The following TSPAN18 variants were observed in gnomAD, a reference collection of about 807,000 sequenced individuals.
TSPAN18 encodes tetraspanin-18.
TSPAN18 carries 14 observed loss-of-function variants against 27.3 expected under a neutral mutation model. The observed-to-expected ratio is 0.51, with a 90% CI of 0.34 to 0.80. The LOEUF is 0.80. TSPAN18 is among the 30% of genes least tolerant of loss of function. TSPAN18 has a pLI of 0.01. For missense variants in TSPAN18, 268 were observed against 323.9 expected (o/e 0.83, Z 1.32); for synonymous variants, 143 against 136.5 (o/e 1.05, Z -0.33).
At chr11:44,920,369 T>C (rs10769095) in intron 8 of TSPAN18, among the ~76,000 whole-genome samples, 40,864 of 152,018 alleles carry the variant, frequency 0.27, 7,673 homozygotes, top group African/African-American at 0.53. Context: ...TTCTTAGCCA[T>C]GCACTGTATT....
At position 44,746,276 on chromosome 11, in the gene TSPAN18, C is replaced by T. The variant is rs61880608; in HGVS notation, c.-239-18150C>T. Among the ~76,000 whole-genome samples, 633 of 152,242 alleles carry T rather than the reference C, an allele frequency of 4.2e-3. 2 individuals are homozygous for T. The highest frequency in any genetic ancestry group is 4.6e-3 in the Non-Finnish European group (311 of 68,024). ...TGCTTCTCTCTGGGACTCCCAGCCT[C>T]TGTCAGGGAGTCTTTGCAGATGAGT... On this transcript the variant is annotated intron_variant, in intron 1 of 9. Coordinates refer to ENST00000520358, the MANE Select transcript of TSPAN18 (RefSeq NM_130783.5).
At chr11:44,754,173 T>G (rs1281102476) in intron 1 of TSPAN18, among the ~76,000 whole-genome samples, 1 of 152,184 alleles carries the variant, frequency 6.6e-6, no homozygotes, top group Non-Finnish European at 1.5e-5. Flanking sequence ...TGCATTAGAA[T>G]ATATTTACAT....
intron 4 of TSPAN18, among the ~76,000 whole-genome samples, chr11:44,908,800 A>AAGGAAGGAAGGAAGGAAGGAAGGAAGG (rs1564992949): frequency 1.4e-5 from 2 of 140,598 alleles, no homozygotes; most frequent in African/African-American, 5.7e-5. Context: ...AGAAAGAAAG[A>AAGGAAGGAAGGAAGGAAGGAAGGAAGG]AAGAAAGAAA....
intron 5 of TSPAN18, among the ~76,000 whole-genome samples, chr11:44,910,867 C>T (rs577140893): frequency 5.4e-4 from 82 of 152,310 alleles, no homozygotes; most frequent in African/African-American, 1.9e-3. Context: ...ACTCCCTGCT[C>T]CATCCCCTAA....
chr11:44,784,772 A>G (rs1856016474), intron 2 of TSPAN18, among the ~76,000 whole-genome samples: 1 of 152,214 alleles, frequency 6.6e-6, no homozygotes, highest in Admixed American at 6.5e-5. Context: ...AGACAGCACA[A>G]GTACATTCTC....
At chr11:44,878,326 G>A (rs915554310) in intron 3 of TSPAN18, among the ~76,000 whole-genome samples, 59 of 152,296 alleles carry the variant, frequency 3.9e-4, no homozygotes, top group African/African-American at 1.4e-3. Flanking sequence ...AACAAGCCAC[G>A]CTGGGCTCCC....
chr11:44,748,476 CT>C (rs956588010), intron 1 of TSPAN18, among the ~76,000 whole-genome samples: 2 of 151,942 alleles, frequency 1.3e-5, no homozygotes, highest in Non-Finnish European at 1.5e-5. Context: ...CTTACTACAT[CT>C]TAAATTCCAT....
At chr11:44,749,632 C>CTTTT (rs71894571) in intron 1 of TSPAN18, among the ~76,000 whole-genome samples, 2,596 of 109,600 alleles carry the variant, frequency 0.024, 80 homozygotes, top group African/African-American at 0.05. Context: ...GTGGAACTTT[C>CTTTT]TTTTTTTTTT....
intron 2 of TSPAN18, among the ~76,000 whole-genome samples, chr11:44,853,194 G>A (rs750318097): frequency 1.3e-5 from 2 of 152,202 alleles, no homozygotes; most frequent in Non-Finnish European, 2.9e-5. Context: ...CCTGCCTGGT[G>A]GAGGATGGAA....
intron 2 of TSPAN18, among the ~76,000 whole-genome samples, chr11:44,851,612 A>ACCCCCCCCCCCCCCCCCCC (rs1278720815): frequency 9.0e-6 from 1 of 110,864 alleles, no homozygotes; most frequent in Non-Finnish European, 2.0e-5. Flanking sequence ...TACTCTTGTC[A>ACCCCCCCCCCCCCCCCCCC]CCTCCCCCCC....
intron 1 of TSPAN18, among the ~76,000 whole-genome samples, chr11:44,731,634 G>A (rs920192077): frequency 1.3e-4 from 2 of 14,926 alleles, no homozygotes; most frequent in African/African-American, 3.0e-4. Flanking sequence ...GTGTGTGTGT[G>A]AGAGAGAGAG....
intron 1 of TSPAN18, among the ~76,000 whole-genome samples, chr11:44,751,095 A>G (rs147511863): frequency 2.0e-5 from 3 of 152,338 alleles, no homozygotes; most frequent in African/African-American, 7.2e-5. Context: ...CAGAGCAGGT[A>G]GAGATCACCC....
At chr11:44,822,266 G>A (rs1341743517) in intron 2 of TSPAN18, among the ~76,000 whole-genome samples, 1 of 152,090 alleles carries the variant, frequency 6.6e-6, no homozygotes, top group African/African-American at 2.4e-5. Context: ...GGTAATAACT[G>A]AGAACCAAAA....
chr11:44,844,533 G>C (rs1022613192), intron 2 of TSPAN18, among the ~76,000 whole-genome samples: 5 of 152,126 alleles, frequency 3.3e-5, no homozygotes, highest in African/African-American at 1.2e-4. Context: ...CTAACTGGTG[G>C]GTCTGTAGTG....
chr11:44,921,272 C>T (rs1860123488), intron 8 of TSPAN18, among the ~76,000 whole-genome samples: 1 of 152,210 alleles, frequency 6.6e-6, no homozygotes, highest in South Asian at 2.1e-4. Flanking sequence ...GAGTTTCAGG[C>T]TTCCATGGCA....
intron 2 of TSPAN18, among the ~76,000 whole-genome samples, chr11:44,807,426 G>T (rs1856622285): frequency 6.7e-6 from 1 of 148,510 alleles, no homozygotes; most frequent in Non-Finnish European, 1.5e-5. Flanking sequence ...TACTTGGGAG[G>T]CTGAGGCAGG....
At chr11:44,908,790 A>AGAAGGAAG (rs1859578063) in intron 4 of TSPAN18, among the ~76,000 whole-genome samples, 6 of 94,552 alleles carry the variant, frequency 6.3e-5, no homozygotes, top group Admixed American at 2.1e-4. Flanking sequence ...AAAGAAAGAA[A>AGAAGGAAG]GAAAGAAAGA....
At position 44,727,071 on chromosome 11, in the gene TSPAN18, A is replaced by AGCCCCGGCCCCG. The variant is rs765673237; in HGVS notation, c.-430_-419dup. The AGCCCCGGCCCCG allele has an allele frequency of 5.4e-5, 4 of 74,260 alleles. No individual in the cohort carries two copies. The highest frequency in any genetic ancestry group is 1.0e-4 in the Non-Finnish European group (2 of 20,030). The allele number at this position is 74,260 out of a possible 1,614,324, so 4.6% of individuals were successfully genotyped here. A position where few individuals can be genotyped will look rare whatever the true frequency, so the allele number is the denominator to read the frequency against. On this transcript the variant is annotated 5_prime_UTR_variant, in exon 1 of 10. Transcript: ENST00000520358. ...GAGCCCCAGCCCCGGCCCCGGCCCC[A>AGCCCCGGCCCCG]GCCCCGGCCCCGGCCCCGGCCCCGG...
Position 44,827,244 on chromosome 11 carries a change from T to C in TSPAN18, c.-152-33084T>C, listed in dbSNP as rs542919824. 2.6e-5 allele frequency among the ~76,000 whole-genome samples: 4 copies of C among 152,336 alleles called. No individual in the cohort carries two copies. The East Asian group carries it at 7.7e-4, about 29-fold the overall frequency. ...GGAGCTCTAGGCCCCGGAGTTGCTT[T>C]TCCAGGTCCCTGATGTTACTTACCT... is the stretch of plus-strand genomic sequence containing the variant. On this transcript the variant is annotated intron_variant, in intron 2 of 9. Coordinates refer to ENST00000520358, the MANE Select transcript of TSPAN18 (RefSeq NM_130783.5).
Sources: gnomAD v4.1 joint callset for allele counts (sites outside exome capture counted in the v4.1 genomes callset) on GRCh38, gnomAD v4.1.1 for gene constraint, MANE v1.5 for transcripts, NCBI Gene and HGNC (gene_info 2026-07-23, HGNC 2026-07-21) for gene names.